SHPK: variants seen among roughly 807,000 people sequenced by gnomAD.
SHPK encodes carbohydrate kinase-like protein.
A neutral mutation model predicts 46.3 loss-of-function variants in SHPK; 51 were observed. The ratio of observed to expected loss-of-function variants is 1.10; its 90% confidence interval spans 0.88 to 1.39. SHPK has a LOEUF of 1.39. Among genes scored for constraint, SHPK ranks in the 40% most tolerant of loss-of-function variants. The probability of loss-of-function intolerance (pLI) is 0.00; values close to 1 mark genes in which losing one functional copy is unlikely to be tolerated. For missense variants in SHPK, 668 were observed against 641.3 expected, an observed-to-expected ratio of 1.04 and a Z score of -0.45; for synonymous variants, 290 against 273.9, an observed-to-expected ratio of 1.06 and a Z score of -0.58.
At position 3,635,236 on chromosome 17, in the gene SHPK, A is replaced by AGGGAGGGAAGGAAGGAAG. The variant is rs201286088; in HGVS notation, c.168+815_168+816insCTTCCTTCCTTCCCTCCC. Among the ~76,000 whole-genome samples, 18 of 132,488 alleles carry AGGGAGGGAAGGAAGGAAG rather than the reference A, an allele frequency of 1.4e-4. 1 individual carries two copies. The highest frequency in any genetic ancestry group is 4.4e-4 in the African/African-American group (17 of 38,582). The allele number at this position is 132,488 out of a possible 152,430, so 86.9% of individuals were successfully genotyped here. A position where few individuals can be genotyped will look rare whatever the true frequency, so the allele number is the denominator to read the frequency against. ...AAGGAAGGAAGGAAGGAAGGAAGGA[A>AGGGAGGGAAGGAAGGAAG]GGAAGGAAGGGAAGGAAGGGAAGGA... On this transcript the variant is annotated intron_variant, in intron 1 of 6. Coordinates refer to ENST00000225519, the MANE Select transcript of SHPK (RefSeq NM_013276.4).
chr17:3,635,205 G>GAAAGGAAGGAAGGAAGGAAA (rs1370583006), intron 1 of SHPK, among the ~76,000 whole-genome samples: 2 of 120,060 alleles, frequency 1.7e-5, no homozygotes, highest in Non-Finnish European at 3.7e-5. Flanking sequence ...AAGGAAGGAA[G>GAAAGGAAGGAAGGAAGGAAA]GAAGGAAGGA....
At chr17:3,621,636 C>CCTTCCTTT in intron 4 of SHPK, among the ~76,000 whole-genome samples, 1 of 132,852 alleles carries the variant, frequency 7.5e-6, no homozygotes, top group East Asian at 2.5e-4. Flanking sequence ...TTCCTTCCTT[C>CCTTCCTTT]CTTCTTTCTT....
chr17:3,611,143 C>A (rs1271580454), intron 6 of SHPK, among the ~76,000 whole-genome samples, 171 bp from the exon 7 acceptor site: 1 of 152,318 alleles, frequency 6.6e-6, no homozygotes, highest in Non-Finnish European at 1.5e-5. Context: ...TACACTCTGC[C>A]CTGGATCCCC....
At chr17:3,625,857 A>G (rs1285160315) in intron 2 of SHPK, among the ~76,000 whole-genome samples, 1 of 152,208 alleles carries the variant, frequency 6.6e-6, no homozygotes, top group Admixed American at 6.5e-5. Context: ...GTTCGAGACC[A>G]GCCTGGACAA....
At position 3,610,525 on chromosome 17, in the gene SHPK, ATTC is replaced by A. The variant is rs2075330288; in HGVS notation, c.*32_*34del. On this transcript the variant is annotated 3_prime_UTR_variant, in exon 7 of 7. Transcript: ENST00000225519. ...GTGTCAGGAATGTTAATCAGGTAAA[ATTC>A]ACAGCAGTCGTTTGGCGAAAGAGTT... 1.3e-6 allele frequency: 2 copies of A among 1,561,044 alleles called. No homozygotes were observed. The highest frequency in any genetic ancestry group is 3.5e-5 in the Admixed American group (2 of 57,352).
At chr17:3,631,944 T>C (rs2075475044) in intron 1 of SHPK, among the ~76,000 whole-genome samples, 1 of 152,150 alleles carries the variant, frequency 6.6e-6, no homozygotes, top group South Asian at 2.1e-4. Context: ...AGGCCACGCC[T>C]GGCTCCATTT....
rs1473519621 is a variant in SHPK at position 3,610,828 on chromosome 17, G to A, written c.1169C>T (p.Ser390Phe). The A allele has an allele frequency of 1.2e-6, 2 of 1,614,038 alleles. No homozygotes were observed. Among genetic ancestry groups the A allele is most frequent in the Non-Finnish European group, 1.7e-6 (2 of 1,180,030 alleles). Residue 390 changes from serine to phenylalanine, a missense_variant, in exon 7 of 7, where the codon TCC (serine) becomes TTC (phenylalanine). By Grantham distance (155) the Ser-to-Phe change is radical. Transcript: ENST00000225519. Reference protein sequence around the residue: ...DQLASVTRISSSDLSLGHVTR... With the variant: ...DQLASVTRISFSDLSLGHVTR... ...CACGTGCCCCAGGGAGAGGTCGGAG[G>A]AGGAGATTCTGGTCACTGAGGCCAG...
intron 5 of SHPK, among the ~76,000 whole-genome samples, chr17:3,616,973 G>C (rs1421848015): frequency 6.6e-6 from 1 of 150,722 alleles, no homozygotes; most frequent in Non-Finnish European, 1.5e-5. Context: ...TCCTGACCTC[G>C]TGATCCACCT....
rs535048772 is a variant in SHPK, at chr17:3,630,204, C to G, written c.310+1G>C. The G allele has an allele frequency of 3.1e-6, 5 of 1,613,944 alleles. No individual in the cohort carries two copies. The highest frequency in any genetic ancestry group is 3.3e-5 in the Admixed American group (2 of 60,022). The stretch of plus-strand genomic sequence containing the variant: ...TGAGAGCATCCCCGAGCCCAGCATA[C>G]CTTGGCCTGTTTTCCAAAACACGAC... On this transcript the variant is annotated splice_donor_variant, in intron 2 of 6. Transcript: ENST00000225519. LOFTEE classifies it high-confidence loss of function.
At chr17:3,622,682 G>T in intron 4 of SHPK, 1 of 526,146 alleles carries the variant, frequency 1.9e-6, no homozygotes, top group Non-Finnish European at 2.4e-6. Flanking sequence ...CATCCTTCAA[G>T]CCTACTATCT....
At chr17:3,620,100 C>T (rs903885400) in intron 5 of SHPK, among the ~76,000 whole-genome samples, 19 of 152,296 alleles carry the variant, frequency 1.2e-4, no homozygotes, top group South Asian at 2.1e-4. Flanking sequence ...TCCTACAGCA[C>T]AGCTGAGCAG....
chr17:3,612,067 G>A (rs1567680947), intron 6 of SHPK, among the ~76,000 whole-genome samples: 4 of 151,328 alleles, frequency 2.6e-5, no homozygotes, highest in African/African-American at 9.7e-5. Context: ...GCCTTCCAAA[G>A]TACTGGGGTT....
intron 2 of SHPK, among the ~76,000 whole-genome samples, chr17:3,625,061 A>C (rs748954542): frequency 6.6e-6 from 1 of 152,058 alleles, no homozygotes; most frequent in Non-Finnish European, 1.5e-5. Flanking sequence ...GCCCTTATTC[A>C]GTGATTTCTC....
intron 5 of SHPK, among the ~76,000 whole-genome samples, chr17:3,617,199 C>G (rs985433249): frequency 2.0e-5 from 3 of 152,094 alleles, no homozygotes; most frequent in South Asian, 2.1e-4. Flanking sequence ...GATCTGGTGT[C>G]GTAAGTGGGA....
Position 3,610,971 on chromosome 17 carries a change from G to A in SHPK, c.1026C>T (p.Gly342=). The A allele has an allele frequency of 6.2e-7, 1 of 1,601,330 alleles. No homozygotes were observed. The highest frequency in any genetic ancestry group is 8.5e-7 in the Non-Finnish European group (1 of 1,171,216). Residue 342 remains glycine (G), a splice_region_variant and synonymous_variant, in exon 7 of 7, where the codon GGC becomes GGT. Transcript: ENST00000225519. ...ACACAGTGGATTCTTCAACCTCCAGGCCTGCCAGAGACAGAGAAGATCTGT... is the reference window on the plus strand; with the variant it reads ...ACACAGTGGATTCTTCAACCTCCAGACCTGCCAGAGACAGAGAAGATCTGT... ...HMLVQWMADL[G]LEVEESTVYS...
intron 4 of SHPK, among the ~76,000 whole-genome samples, chr17:3,622,328 T>C (rs2075408067): frequency 1.3e-5 from 2 of 152,120 alleles, no homozygotes; most frequent in Admixed American, 1.3e-4. Flanking sequence ...ACAAACAACA[T>C]AGGCAGCCGT....
chr17:3,621,346 G>A lies in SHPK; in HGVS notation c.714C>T (p.Gly238=). The A allele has an allele frequency of 6.2e-7, 1 of 1,614,050 alleles. No homozygotes were observed. The highest frequency in any genetic ancestry group is 8.5e-7 in the Non-Finnish European group (1 of 1,180,008). The stretch of plus-strand genomic sequence containing the variant: ...TTTCAAACCACATGTGGGAAGTTCT[G>A]CCCGCCACACTGCCAGGCTCGGCGA... ...PDIAEPGSVA[G]RTSHMWFEIP... The change falls in exon 5 of 7, where the codon GGC becomes GGT. Residue 238 remains glycine, a synonymous_variant. Coordinates refer to ENST00000225519, the MANE Select transcript of SHPK (RefSeq NM_013276.4).
At chr17:3,632,970 AC>A (rs1332990171) in intron 1 of SHPK, among the ~76,000 whole-genome samples, 7 of 116,216 alleles carry the variant, frequency 6.0e-5, no homozygotes, top group African/African-American at 1.8e-4. Flanking sequence ...AGCAGATATT[AC>A]TTTTTTTTTT....
At chr17:3,613,470 G>T (rs1417017661) in intron 6 of SHPK, among the ~76,000 whole-genome samples, 1 of 152,130 alleles carries the variant, frequency 6.6e-6, no homozygotes, top group African/African-American at 2.4e-5. Context: ...TCGGGTTCAA[G>T]TGACTCTCCT....
Sources: gnomAD v4.1 joint callset for allele counts (sites outside exome capture counted in the v4.1 genomes callset) on GRCh38, gnomAD v4.1.1 for gene constraint, MANE v1.5 for transcripts, NCBI Gene and HGNC (gene_info 2026-07-23, HGNC 2026-07-21) for gene names.